PKIB: variants seen among roughly 807,000 people sequenced by gnomAD.
The protein encoded by PKIB is PKI-beta.
In PKIB, 2 loss-of-function variants were observed where a neutral mutation model predicts 4.5. That is an observed-to-expected ratio of 0.44 (90% CI 0.18 to 1.39). The LOEUF is 1.39. Among genes scored for constraint, PKIB ranks in the 40% most tolerant of loss-of-function variants. The pLI is 0.27. For synonymous variants in PKIB, 38 were observed against 36.0 expected (o/e 1.06, Z -0.20); for missense variants, 94 against 92.6 (o/e 1.02, Z -0.06).
chr6:122,537,183 A>C (rs1319920431), intron 2 of PKIB, among the ~76,000 whole-genome samples: 2 of 151,786 alleles, frequency 1.3e-5, no homozygotes, highest in Non-Finnish European at 2.9e-5. Flanking sequence ...TATGATTATT[A>C]TACTTTAAGT....
At position 122,622,566 on chromosome 6, in the gene PKIB, A is replaced by G. The variant is rs1775281662; in HGVS notation, c.-160-10717A>G. On this transcript the variant is annotated intron_variant, in intron 1 of 4. Transcript: ENST00000368452. Reference sequence around the variant, plus strand: ...TGTTAACCTGGCCCTCTTGAGAGACAGTGAGCTGGGGGTGCACTGGGAACA... The same window carrying G: ...TGTTAACCTGGCCCTCTTGAGAGACGGTGAGCTGGGGGTGCACTGGGAACA... Among the ~76,000 whole-genome samples, 2 of 152,194 alleles carry G rather than the reference A, an allele frequency of 1.3e-5. 1 individual carries two copies. The highest frequency in any genetic ancestry group is 1.3e-4 in the Admixed American group (2 of 15,270).
At chr6:122,678,089 G>A (rs1369371370) in intron 3 of PKIB, among the ~76,000 whole-genome samples, 2 of 151,866 alleles carry the variant, frequency 1.3e-5, no homozygotes, top group Non-Finnish European at 2.9e-5. Context: ...TTGTAGAGAC[G>A]GGGTTTCACC....
At chr6:122,661,227 C>T (rs1421842267) in intron 2 of PKIB, among the ~76,000 whole-genome samples, 1 of 152,064 alleles carries the variant, frequency 6.6e-6, no homozygotes, top group East Asian at 1.9e-4. Context: ...AATTTGCTAC[C>T]ATAAAAGCCA....
At chr6:122,573,647 A>G (rs947912573) in intron 2 of PKIB, among the ~76,000 whole-genome samples, 2 of 152,218 alleles carry the variant, frequency 1.3e-5, no homozygotes, top group African/African-American at 2.4e-5. Context: ...TATGTGATAC[A>G]TCACATAAAC....
rs562957997 is a variant in PKIB, at chr6:122,563,391, A to G, written c.-247-22530A>G. ...GGCAGGGGGTGCAATGGACTCCATG[A>G]GAGTTCTTAGCTTTAGTGGTTTAAT... On this transcript the variant is annotated intron_variant, in intron 2 of 6. Transcript: ENST00000392491. Among the ~76,000 whole-genome samples the G allele has an allele frequency of 6.6e-5, 10 of 152,008 alleles. No individual in the cohort carries two copies. The East Asian group carries it at 1.7e-3, about 27-fold the overall frequency.
rs544501952 is a variant in PKIB, at chr6:122,684,664, T to G, written c.-9+9520T>G. Among the ~76,000 whole-genome samples the G allele has an allele frequency of 2.0e-5, 3 of 152,352 alleles. No homozygotes were observed. In the South Asian group the frequency reaches 6.2e-4, roughly 32 times the overall value. Reference sequence around the variant, plus strand: ...CAGATGATTAGTCATACCAGCAATCTGGTCTCCTATATACATCTTTGAAAA... The same window carrying G: ...CAGATGATTAGTCATACCAGCAATCGGGTCTCCTATATACATCTTTGAAAA... On this transcript the variant is annotated intron_variant, in intron 3 of 4. Transcript: ENST00000368452.
At chr6:122,472,825 C>T (rs1775342874) in intron 1 of PKIB, among the ~76,000 whole-genome samples, 1 of 152,060 alleles carries the variant, frequency 6.6e-6, no homozygotes, top group African/African-American at 2.4e-5. Flanking sequence ...ATAGAGCATC[C>T]ATAAGGTTTA....
At chr6:122,721,644 G>A (rs1315627753) in intron 4 of PKIB, among the ~76,000 whole-genome samples, 4 of 152,004 alleles carry the variant, frequency 2.6e-5, no homozygotes, top group Non-Finnish European at 5.9e-5. Context: ...CACAAGGATG[G>A]AAATAGGAAA....
At chr6:122,486,333 A>G (rs553353487) in intron 2 of PKIB, among the ~76,000 whole-genome samples, 1 of 152,288 alleles carries the variant, frequency 6.6e-6, no homozygotes, top group South Asian at 2.1e-4. Context: ...TTTCAGAATA[A>G]TAAGTATGGC....
intron 4 of PKIB, among the ~76,000 whole-genome samples, chr6:122,719,740 C>G (rs978153188): frequency 2.1e-5 from 1 of 47,584 alleles, no homozygotes; most frequent in Non-Finnish European, 3.2e-5. Context: ...CACACACACA[C>G]ACACACACAC....
intron 3 of PKIB, among the ~76,000 whole-genome samples, chr6:122,684,816 T>A (rs1367476009): frequency 6.6e-6 from 1 of 152,192 alleles, no homozygotes; most frequent in Non-Finnish European, 1.5e-5. Flanking sequence ...TTTGTTTTCC[T>A]CTTGACTGCC....
intron 2 of PKIB, among the ~76,000 whole-genome samples, chr6:122,505,936 T>G (rs1464290603): frequency 6.6e-6 from 1 of 152,182 alleles, no homozygotes; most frequent in African/African-American, 2.4e-5. Flanking sequence ...AATTTTTTTG[T>G]CAATTATTGA....
chr6:122,634,712 T>C (rs1020184964), intron 2 of PKIB, among the ~76,000 whole-genome samples: 11 of 152,214 alleles, frequency 7.2e-5, no homozygotes, highest in African/African-American at 2.7e-4. Flanking sequence ...TTCATTCCCA[T>C]GGCTCATCAG....
intron 1 of PKIB, among the ~76,000 whole-genome samples, chr6:122,617,774 T>C (rs1234534682): frequency 1.3e-5 from 2 of 152,142 alleles, no homozygotes; most frequent in African/African-American, 2.4e-5. Flanking sequence ...TAGAATTATT[T>C]TACATAAGGA....
intron 2 of PKIB, among the ~76,000 whole-genome samples, chr6:122,654,833 G>A (rs1242794301): frequency 6.6e-6 from 1 of 152,046 alleles, no homozygotes; most frequent in African/African-American, 2.4e-5. Flanking sequence ...TAATACTTCA[G>A]ATTTTTTTCT....
chr6:122,671,267 G>A (rs1444956717), intron 2 of PKIB, among the ~76,000 whole-genome samples: 1 of 150,612 alleles, frequency 6.6e-6, no homozygotes, highest in Non-Finnish European at 1.5e-5. Context: ...ACTCCAGCCT[G>A]GTGACAGAGA....
intron 2 of PKIB, chr6:122,481,390 A>G (rs376167662): frequency 1.3e-5 from 2 of 152,354 alleles, no homozygotes; most frequent in South Asian, 2.1e-4. Context: ...TAAATGCCAC[A>G]TGTAATCATG....
intron 2 of PKIB, among the ~76,000 whole-genome samples, chr6:122,504,569 G>A (rs1776341700): frequency 6.6e-6 from 1 of 152,156 alleles, no homozygotes; most frequent in African/African-American, 2.4e-5. Flanking sequence ...TAGCATGTTT[G>A]TTAGAAATCC....
At chr6:122,561,010 CT>C (rs1161778632) in intron 2 of PKIB, among the ~76,000 whole-genome samples, 1 of 151,650 alleles carries the variant, frequency 6.6e-6, no homozygotes, top group East Asian at 1.9e-4. Context: ...TTTCATTTAT[CT>C]TTTTTATTTT....
Sources: allele counts gnomAD v4.1 joint callset (sites outside exome capture counted in the v4.1 genomes callset), GRCh38; gene constraint gnomAD v4.1.1; transcripts MANE v1.5; gene names NCBI Gene and HGNC (gene_info 2026-07-23, HGNC 2026-07-21).